The following SEMA3C variants were observed in gnomAD, a reference collection of about 807,000 sequenced individuals.
SEMA3C encodes the protein semaphorin 3C, also known as semaphorin-3C.
SEMA3C carries 47 observed loss-of-function variants against 89.4 expected under a neutral mutation model. That is an observed-to-expected ratio of 0.53 (90% CI 0.42 to 0.67). SEMA3C has a LOEUF of 0.67. Among genes scored for constraint, SEMA3C ranks in the 30% least tolerant of loss-of-function variants. The probability of loss-of-function intolerance (pLI) is 0.00; values close to 1 mark genes in which losing one functional copy is unlikely to be tolerated. For synonymous variants in SEMA3C, 310 were observed against 320.2 expected (o/e 0.97, Z 0.34); for missense variants, 839 against 929.1 (o/e 0.90, Z 1.26).
At chr7:80,750,471 T>C (rs112825667) in intron 16 of SEMA3C, among the ~76,000 whole-genome samples, 15,876 of 52,182 alleles carry the variant, frequency 0.3, 1,655 homozygotes, top group East Asian at 0.39. Context: ...TATATATATA[T>C]ATACACACAC....
chr7:80,882,956 C>T (rs1015525861), intron 2 of SEMA3C, among the ~76,000 whole-genome samples: 1 of 152,004 alleles, frequency 6.6e-6, no homozygotes, highest in African/African-American at 2.4e-5. Context: ...ACAACAACAA[C>T]AACAACAACA....
chr7:80,790,870 G>C (rs1315888223), intron 11 of SEMA3C, among the ~76,000 whole-genome samples: 1 of 151,920 alleles, frequency 6.6e-6, no homozygotes, highest in Non-Finnish European at 1.5e-5. Context: ...ACTGTAACTG[G>C]GTCTATTTTG....
chr7:80,777,233 A>G (rs1031492709), intron 12 of SEMA3C, among the ~76,000 whole-genome samples: 1 of 152,158 alleles, frequency 6.6e-6, no homozygotes, highest in Non-Finnish European at 1.5e-5. Flanking sequence ...ATGCTAAAAT[A>G]TATTCCCTAA....
intron 2 of SEMA3C, among the ~76,000 whole-genome samples, chr7:80,854,012 C>T (rs985487999): frequency 6.6e-6 from 1 of 150,786 alleles, no homozygotes; most frequent in East Asian, 2.0e-4. Flanking sequence ...AAAAAAGAAA[C>T]AAAGTTATTG....
chr7:80,887,282 C>A, intron 2 of SEMA3C, among the ~76,000 whole-genome samples: 1 of 152,030 alleles, frequency 6.6e-6, no homozygotes, highest in Non-Finnish European at 1.5e-5. Flanking sequence ...ACAATTAATT[C>A]AATTTGGTAT....
intron 2 of SEMA3C, among the ~76,000 whole-genome samples, chr7:80,843,182 A>G (rs1790310087): frequency 1.3e-5 from 2 of 152,170 alleles, no homozygotes; most frequent in South Asian, 4.1e-4. Flanking sequence ...TACATATTTC[A>G]AAGTAGCTAG....
At chr7:80,768,889 C>T (rs989734995) in intron 12 of SEMA3C, among the ~76,000 whole-genome samples, 2 of 152,084 alleles carry the variant, frequency 1.3e-5, no homozygotes, top group African/African-American at 2.4e-5. Flanking sequence ...GGAGAGAAAA[C>T]TCAGAAGAAT....
At chr7:80,856,011 G>C (rs1388997178) in intron 2 of SEMA3C, among the ~76,000 whole-genome samples, 1 of 151,880 alleles carries the variant, frequency 6.6e-6, no homozygotes, top group African/African-American at 2.4e-5. Flanking sequence ...TCCTAAAAAA[G>C]GTCACATCTA....
At chr7:80,862,297 G>A (rs983877209) in intron 2 of SEMA3C, among the ~76,000 whole-genome samples, 1 of 152,004 alleles carries the variant, frequency 6.6e-6, no homozygotes, top group African/African-American at 2.4e-5. Flanking sequence ...TACCAACAGC[G>A]ACCATGCAGA....
chr7:80,825,471 C>G (rs1221791375), intron 4 of SEMA3C, among the ~76,000 whole-genome samples: 1 of 152,088 alleles, frequency 6.6e-6, no homozygotes, highest in African/African-American at 2.4e-5. Flanking sequence ...GGGAAAATGT[C>G]AGCATGTATT....
chr7:80,887,598 C>T (rs1030759092), intron 2 of SEMA3C, among the ~76,000 whole-genome samples: 4 of 152,150 alleles, frequency 2.6e-5, no homozygotes, highest in South Asian at 2.1e-4. Context: ...AGGTTAAAGA[C>T]TATTACCATC....
At chr7:80,860,889 C>G (rs1264253595) in intron 2 of SEMA3C, among the ~76,000 whole-genome samples, 1 of 152,114 alleles carries the variant, frequency 6.6e-6, no homozygotes, top group Non-Finnish European at 1.5e-5. Context: ...CTGTAGTTAC[C>G]TTCGAAGCAT....
chr7:80,771,460 G>A (rs1194799849), intron 12 of SEMA3C, among the ~76,000 whole-genome samples: 1 of 152,098 alleles, frequency 6.6e-6, no homozygotes, highest in Non-Finnish European at 1.5e-5. Flanking sequence ...TTCCTAGACA[G>A]TCTTCCTTCC....
intron 2 of SEMA3C, among the ~76,000 whole-genome samples, chr7:80,865,346 T>C (rs759865900): frequency 2.6e-5 from 4 of 152,210 alleles, no homozygotes; most frequent in Non-Finnish European, 5.9e-5. Context: ...TCTGTAGCCA[T>C]ATCCTCCATG....
chr7:80,835,665 A>T (rs1053460343), intron 2 of SEMA3C, among the ~76,000 whole-genome samples: 2 of 152,222 alleles, frequency 1.3e-5, no homozygotes, highest in Non-Finnish European at 2.9e-5. Context: ...GAACAAAGAC[A>T]ATAGAGACCA....
intron 15 of SEMA3C, among the ~76,000 whole-genome samples, chr7:80,754,710 T>C (rs958860184): frequency 6.6e-6 from 1 of 152,164 alleles, no homozygotes; most frequent in South Asian, 2.1e-4. Context: ...TTTATATATG[T>C]AGCATTTTCA....
chr7:80,759,224 G>A (rs1788132330), intron 14 of SEMA3C, among the ~76,000 whole-genome samples: 1 of 152,106 alleles, frequency 6.6e-6, no homozygotes, highest in African/African-American at 2.4e-5. Context: ...CTGAAGGAAT[G>A]AGTCTCTAAT....
At chr7:80,913,836 C>T (rs981085641) in intron 2 of SEMA3C, among the ~76,000 whole-genome samples, 5 of 152,232 alleles carry the variant, frequency 3.3e-5, no homozygotes, top group Non-Finnish European at 5.9e-5. Context: ...GTTATTACTC[C>T]ATTATTTCAC....
At chr7:80,829,080 T>A (rs775249288) in intron 2 of SEMA3C, among the ~76,000 whole-genome samples, 2 of 151,946 alleles carry the variant, frequency 1.3e-5, no homozygotes, top group Non-Finnish European at 2.9e-5. Context: ...GGTGGGAGGA[T>A]CTCTTGAGCC....
Sources: allele counts gnomAD v4.1 joint callset (sites outside exome capture counted in the v4.1 genomes callset), GRCh38; gene constraint gnomAD v4.1.1; transcripts MANE v1.5; gene names NCBI Gene and HGNC (gene_info 2026-07-23, HGNC 2026-07-21).